Variants in ZC3H11A observed in about 807,000 individuals in gnomAD.
The protein encoded by ZC3H11A is zinc finger CCCH domain-containing protein 11A.
Under a neutral mutation model 90.8 loss-of-function variants are expected in ZC3H11A, and 22 were observed. The ratio of observed to expected loss-of-function variants is 0.24; its 90% CI spans 0.17 to 0.35. The LOEUF (loss-of-function observed/expected upper bound fraction) is 0.35, where lower values mean the gene tolerates loss of function less well. Among genes scored for constraint, ZC3H11A ranks in the 10% least tolerant of loss-of-function variants. The pLI is 1.00. For synonymous variants in ZC3H11A, 294 were observed against 339.8 expected (o/e 0.87, Z 1.48); for missense variants, 701 against 964.9 (o/e 0.73, Z 3.62).
At chr1:203,819,060 T>G (rs1677322540) in intron 4 of ZC3H11A, among the ~76,000 whole-genome samples, 1 of 119,704 alleles carries the variant, frequency 8.4e-6, no homozygotes, top group African/African-American at 3.1e-5. Context: ...AGAGCAACAC[T>G]CCGTCTCAAA....
At chr1:203,821,851 T>G (rs1254771741) in intron 4 of ZC3H11A, among the ~76,000 whole-genome samples, 2 of 152,154 alleles carry the variant, frequency 1.3e-5, no homozygotes, top group South Asian at 2.1e-4. Context: ...TCCGCCTCAT[T>G]GGTTCACACC....
chr1:203,844,176 T>C (rs1687257887), intron 12 of ZC3H11A, among the ~76,000 whole-genome samples: 1 of 150,198 alleles, frequency 6.7e-6, no homozygotes, highest in African/African-American at 2.5e-5. Context: ...ATTTTTATTT[T>C]TGTTTGAGAC....
At chr1:203,831,585 C>G (rs1682396164) in intron 8 of ZC3H11A, 76 bp from the exon 9 acceptor site, 1 of 1,374,138 alleles carries the variant, frequency 7.3e-7, no homozygotes. Context: ...TAACTGGTTA[C>G]AAAAACAAAT....
chr1:203,830,925 A>ACT (rs1682064411), intron 8 of ZC3H11A, among the ~76,000 whole-genome samples: 1 of 51,352 alleles, frequency 1.9e-5, no homozygotes, highest in Non-Finnish European at 3.7e-5. Flanking sequence ...CCAACCCCCA[A>ACT]TTTTTTTTTT....
intron 2 of ZC3H11A, among the ~76,000 whole-genome samples, chr1:203,803,248 A>C (rs1029312720): frequency 6.6e-6 from 1 of 151,150 alleles, no homozygotes; most frequent in African/African-American, 2.4e-5. Context: ...CTGGAGTGCA[A>C]TGGTGCCATC....
intron 4 of ZC3H11A, among the ~76,000 whole-genome samples, chr1:203,823,897 A>G (rs1034544711): frequency 1.3e-5 from 2 of 152,198 alleles, no homozygotes; most frequent in African/African-American, 4.8e-5. Flanking sequence ...TTAAAGGGGA[A>G]ACTAATTTAT....
chr1:203,829,382 G>C, intron 5 of ZC3H11A, 69 bp from the exon 6 acceptor site: 2 of 1,514,904 alleles, frequency 1.3e-6, no homozygotes, highest in Non-Finnish European at 9.2e-7. Flanking sequence ...TTCATAGGTG[G>C]TCAGGAATTT....
chr1:203,815,813 A>G (rs1455079341), intron 2 of ZC3H11A, among the ~76,000 whole-genome samples: 1 of 152,116 alleles, frequency 6.6e-6, no homozygotes, highest in Non-Finnish European at 1.5e-5. Flanking sequence ...CTGAAACCTG[A>G]TCTTCTGGTA....
chr1:203,823,489 T>C (rs1371948273), intron 4 of ZC3H11A, among the ~76,000 whole-genome samples: 1 of 152,218 alleles, frequency 6.6e-6, no homozygotes. Context: ...GGAAGGCAGA[T>C]GTTCAGCATT....
At position 203,847,227 on chromosome 1, in the gene ZC3H11A, A is replaced by G. The variant is rs980522048; in HGVS notation, c.1086A>G (p.Glu362=). ...KVGEIHVKTL[E]EILLERASQK... ...GTGAGATCCATGTGAAGACATTAGA[A>G]GAAATTCTTCTTGAAAGAGCCAGTC... Residue 362 remains glutamate (E), a synonymous_variant, in exon 13 of 18, where the codon GAA becomes GAG. Transcript: ENST00000367210. The G allele has an allele frequency of 3.7e-6, 6 of 1,613,888 alleles. No individual in the cohort carries two copies. The highest frequency in any genetic ancestry group is 5.1e-6 in the Non-Finnish European group (6 of 1,179,860).
At chr1:203,847,772 T>C in intron 13 of ZC3H11A, 85 bp downstream of exon 13, 3 of 1,526,504 alleles carry the variant, frequency 2.0e-6, no homozygotes, top group African/African-American at 1.4e-5. Flanking sequence ...AGGAGTTGTT[T>C]GACAACCTTT....
chr1:203,837,671 T>C (rs976296039), intron 10 of ZC3H11A, among the ~76,000 whole-genome samples: 1 of 152,086 alleles, frequency 6.6e-6, no homozygotes, highest in Non-Finnish European at 1.5e-5. Flanking sequence ...AGAGACAAGG[T>C]CTTGCTGTGT....
At chr1:203,842,161 G>A (rs1191127507) in intron 12 of ZC3H11A, among the ~76,000 whole-genome samples, 6 of 151,858 alleles carry the variant, frequency 4.0e-5, no homozygotes, top group Non-Finnish European at 7.4e-5. Flanking sequence ...GACGATGGGC[G>A]GCCAGGCAGA....
chr1:203,822,039 G>C (rs1039118956), intron 4 of ZC3H11A, among the ~76,000 whole-genome samples: 2 of 152,042 alleles, frequency 1.3e-5, no homozygotes, highest in African/African-American at 2.4e-5. Flanking sequence ...TTACAGGTGT[G>C]AGCCACCGTG....
chr1:203,846,276 T>C (rs941916452), intron 12 of ZC3H11A, among the ~76,000 whole-genome samples: 12 of 152,136 alleles, frequency 7.9e-5, no homozygotes, highest in Non-Finnish European at 1.6e-4. Flanking sequence ...TTCTTAGCCC[T>C]TCAGTAATGA....
intron 4 of ZC3H11A, among the ~76,000 whole-genome samples, chr1:203,820,314 A>G (rs779555578): frequency 1.3e-5 from 2 of 151,846 alleles, no homozygotes; most frequent in African/African-American, 4.8e-5. Flanking sequence ...TGTTGAGAGC[A>G]GTTGCTCAGT....
chr1:203,835,387 G>A (rs1683954287), intron 10 of ZC3H11A, among the ~76,000 whole-genome samples: 1 of 152,162 alleles, frequency 6.6e-6, no homozygotes, highest in South Asian at 2.1e-4. Flanking sequence ...ATAGTCAGAT[G>A]AATACATTAC....
intron 4 of ZC3H11A, among the ~76,000 whole-genome samples, chr1:203,819,132 ATATG>A (rs1677449049): frequency 6.8e-6 from 1 of 146,928 alleles, no homozygotes; most frequent in Non-Finnish European, 1.5e-5. Context: ...GTATATATAC[ATATG>A]TATATGTGTG....
In ZC3H11A at chr1:203,830,267, C is replaced by G. The variant is rs1020390254; in HGVS notation, c.700+64C>G. 6.3e-6 allele frequency: 8 copies of G among 1,270,026 alleles called. No homozygotes were observed. The African/African-American group carries it at 1.2e-4, about 19-fold the overall frequency. The allele number at this position is 1,270,026 out of a possible 1,614,324, so 78.7% of individuals were successfully genotyped here. A position where few individuals can be genotyped will look rare whatever the true frequency, so the allele number is the denominator to read the frequency against. On this transcript the variant is annotated intron_variant, in intron 8 of 17. Coordinates refer to ENST00000367210, the MANE Select transcript of ZC3H11A (RefSeq NM_001376342.1). Reference sequence around the variant, plus strand: ...CTAGGGAAGAATACTAAGGACGCTTCTAGAAGCAACAGCCAAAATGAGCAA... The same window carrying G: ...CTAGGGAAGAATACTAAGGACGCTTGTAGAAGCAACAGCCAAAATGAGCAA...
Sources: allele counts gnomAD v4.1 joint callset (sites outside exome capture counted in the v4.1 genomes callset), GRCh38; gene constraint gnomAD v4.1.1; transcripts MANE v1.5; gene names NCBI Gene and HGNC (gene_info 2026-07-23, HGNC 2026-07-21).